TMED3: variants seen among roughly 807,000 people sequenced by gnomAD.
The protein encoded by TMED3 is transmembrane emp24 domain-containing protein 3.
A neutral mutation model predicts 15.0 loss-of-function variants in TMED3; 9 were observed. That is an observed-to-expected ratio of 0.60 (90% CI 0.36 to 1.04). TMED3 has a LOEUF of 1.04. TMED3 is among the 50% of genes least tolerant of loss of function. The pLI is 0.01. For missense variants in TMED3, 267 were observed against 278.9 expected (o/e 0.96, Z 0.30); for synonymous variants, 117 against 121.4 (o/e 0.96, Z 0.24).
At chr15:79,405,613 C>G (rs952301265) in intron 2 of TMED3, among the ~76,000 whole-genome samples, 1 of 152,214 alleles carries the variant, frequency 6.6e-6, no homozygotes, top group Non-Finnish European at 1.5e-5. Context: ...CCACTGAATG[C>G]CTGGAAGCAT....
At chr15:79,374,438 A>T (rs60383259) in intron 2 of TMED3, among the ~76,000 whole-genome samples, 5,014 of 152,240 alleles carry the variant, frequency 0.033, 265 homozygotes, top group African/African-American at 0.11. Context: ...GGCCAAGAGG[A>T]GTCCATTCAG....
intron 2 of TMED3, among the ~76,000 whole-genome samples, chr15:79,340,143 A>C (rs12913684): frequency 0.093 from 14,135 of 152,250 alleles, 692 homozygotes; most frequent in Admixed American, 0.12. Context: ...TTTACTAGAA[A>C]TACTTGAATT....
rs779506242 is a variant in TMED3, at chr15:79,311,229, C to T, written c.-21C>T. 1.3e-6 allele frequency: 2 copies of T among 1,581,750 alleles called. No homozygotes were observed. The highest frequency in any genetic ancestry group is 3.4e-5 in the Admixed American group (2 of 58,282). ...GGCGCAGCGCCCGAGCCGCGGCCCT[C>T]GAGACGGGACCGAGAGCATCATGGG... On this transcript the variant is annotated 5_prime_UTR_variant, in exon 1 of 3. Transcript: ENST00000299705.
chr15:79,366,921 A>T (rs1193854747), intron 2 of TMED3, among the ~76,000 whole-genome samples: 1 of 152,110 alleles, frequency 6.6e-6, no homozygotes, highest in East Asian at 1.9e-4. Context: ...TCATTAATAT[A>T]CAAGTGACTG....
chr15:79,357,537 T>C (rs1255650994), intron 2 of TMED3, among the ~76,000 whole-genome samples: 2 of 151,282 alleles, frequency 1.3e-5, no homozygotes, highest in African/African-American at 4.9e-5. Context: ...TTTTTTTTTT[T>C]AAAGCAGAAC....
Position 79,370,794 on chromosome 15 carries a change from C to T in TMED3, c.418-40606C>T, listed in dbSNP as rs866972002. On this transcript the variant is annotated intron_variant, in intron 2 of 2. Coordinates refer to the TMED3 transcript ENST00000424155. The stretch of plus-strand genomic sequence containing the variant: ...AATGGGAGGGAATGTTGTTGTAGTC[C>T]TTTGGCTTCTGATGGTTGTGTGAAT... Among the ~76,000 whole-genome samples, 7 of 152,160 alleles carry T rather than the reference C, an allele frequency of 4.6e-5. No homozygotes were observed. In the South Asian group the frequency reaches 1.4e-3, roughly 32 times the overall value.
downstream of TMED3, among the ~76,000 whole-genome samples, chr15:79,325,313 G>T (rs907481971): frequency 6.6e-6 from 1 of 152,178 alleles, no homozygotes; most frequent in African/African-American, 2.4e-5. Context: ...GGTTTGTGGT[G>T]CTGATTCTGA....
chr15:79,406,241 G>A (rs1032172217), intron 2 of TMED3, among the ~76,000 whole-genome samples: 2 of 152,142 alleles, frequency 1.3e-5, no homozygotes, highest in African/African-American at 4.8e-5. Context: ...CGGGGTGAGG[G>A]GCTGTTTCTT....
chr15:79,321,237 T>C (rs919620688), intron 2 of TMED3, among the ~76,000 whole-genome samples: 3 of 152,230 alleles, frequency 2.0e-5, no homozygotes, highest in African/African-American at 7.2e-5. Flanking sequence ...CAGCTCATCA[T>C]ATTCACAGCT....
intron 2 of TMED3, among the ~76,000 whole-genome samples, chr15:79,399,893 C>T (rs1442266981): frequency 6.6e-6 from 1 of 152,162 alleles, no homozygotes; most frequent in East Asian, 1.9e-4. Context: ...GGAGGCAGGG[C>T]CTCTTCCTCT....
intron 2 of TMED3, among the ~76,000 whole-genome samples, chr15:79,366,478 G>A (rs1893237463): frequency 6.6e-6 from 1 of 152,230 alleles, no homozygotes; most frequent in South Asian, 2.1e-4. Context: ...AACATCTCAT[G>A]ATTAACTTCC....
Position 79,319,504 on chromosome 15 carries a change from G to A in TMED3, c.418-2474G>A, listed in dbSNP as rs117707176. On this transcript the variant is annotated intron_variant, in intron 2 of 2. Transcript: ENST00000299705. ...AGAGAGAAACAAGGGTTTTGGGGAG[G>A]TGTAGGGTCCAGCCCCACAGGGTGG... 9.7e-3 allele frequency among the ~76,000 whole-genome samples: 1,481 copies of A among 152,306 alleles called. 10 individuals carry two copies. Among genetic ancestry groups the A allele is most frequent in the Middle Eastern group, 0.024 (7 of 294 alleles).
intron 2 of TMED3, among the ~76,000 whole-genome samples, chr15:79,375,125 G>A (rs560956887): frequency 5.3e-5 from 8 of 152,242 alleles, no homozygotes; most frequent in African/African-American, 1.9e-4. Context: ...CTCATATAAA[G>A]GGCCCTTATC....
chr15:79,361,959 A>T (rs1287431644), intron 2 of TMED3, among the ~76,000 whole-genome samples: 1 of 152,164 alleles, frequency 6.6e-6, no homozygotes, highest in African/African-American at 2.4e-5. Context: ...AAAATAAAAT[A>T]TCACAGGAAT....
chr15:79,353,767 A>C (rs1420115016), intron 2 of TMED3, among the ~76,000 whole-genome samples: 1 of 152,078 alleles, frequency 6.6e-6, no homozygotes, highest in Non-Finnish European at 1.5e-5. Flanking sequence ...TGTTATTAAA[A>C]AAAACCTTAA....
chr15:79,317,569 T>C (rs59305520), intron 2 of TMED3, among the ~76,000 whole-genome samples: 4,009 of 152,062 alleles, frequency 0.026, 171 homozygotes, highest in African/African-American at 0.092. Context: ...TGCGGATTTG[T>C]ACATACAAAC....
rs1340184733 is a variant in TMED3, at chr15:79,311,159, A to G, written c.-91A>G. 4 of 1,401,632 alleles carry G rather than the reference A, an allele frequency of 2.9e-6. No homozygotes were observed. Among genetic ancestry groups the G allele is most frequent in the African/African-American group, 3.0e-5 (2 of 67,658 alleles). The allele number at this position is 1,401,632 out of a possible 1,614,324, so 86.8% of individuals were successfully genotyped here. A position where few individuals can be genotyped will look rare whatever the true frequency, so the allele number is the denominator to read the frequency against. On this transcript the variant is annotated 5_prime_UTR_variant, in exon 1 of 3. Coordinates refer to ENST00000299705, the MANE Select transcript of TMED3 (RefSeq NM_007364.4). Reference sequence around the variant, plus strand: ...GCTGGTGCCACGTCTATCCCCTTACATCCTCCTAGGACCCGGTCGGTAGTC... The same window carrying G: ...GCTGGTGCCACGTCTATCCCCTTACGTCCTCCTAGGACCCGGTCGGTAGTC...
chr15:79,342,238 T>C (rs1279089535), intron 2 of TMED3, among the ~76,000 whole-genome samples: 1 of 151,838 alleles, frequency 6.6e-6, no homozygotes, highest in Non-Finnish European at 1.5e-5. Context: ...GAAGAGAAAA[T>C]GTTGGATCAC....
At chr15:79,352,079 AG>A (rs1276170127) in intron 2 of TMED3, among the ~76,000 whole-genome samples, 6 of 145,364 alleles carry the variant, frequency 4.1e-5, no homozygotes, top group Non-Finnish European at 9.0e-5. Context: ...AAAGAGTAGG[AG>A]GGGGGTGAGG....
Sources: gnomAD v4.1 joint callset for allele counts (sites outside exome capture counted in the v4.1 genomes callset) on GRCh38, gnomAD v4.1.1 for gene constraint, MANE v1.5 for transcripts, NCBI Gene and HGNC (gene_info 2026-07-23, HGNC 2026-07-21) for gene names.